Variants in AUTS2 observed in about 807,000 individuals in gnomAD.
The protein encoded by AUTS2 is autism susceptibility gene 2 protein.
Under a neutral mutation model 112.4 loss-of-function variants are expected in AUTS2, and 17 were observed. The observed-to-expected ratio is 0.15, with a 90% CI of 0.10 to 0.23. The LOEUF is 0.23. Among genes scored for constraint, AUTS2 ranks in the 10% least tolerant of loss-of-function variants. AUTS2 has a pLI of 1.00. For missense variants in AUTS2, 1,510 were observed against 1,701.6 expected (o/e 0.89, Z 1.98); for synonymous variants, 751 against 702.7 (o/e 1.07, Z -1.09).
At chr7:69,820,448 GATGGTGTTTTACAA>G (rs1267507842) in intron 1 of AUTS2, among the ~76,000 whole-genome samples, 1 of 152,214 alleles carries the variant, frequency 6.6e-6, no homozygotes, top group Non-Finnish European at 1.5e-5. Flanking sequence ...GGAAACCATG[GATGGTGTTTTACAA>G]ACTCTGCAGG....
rs777730469 is a variant in AUTS2, at chr7:70,790,051, G to T, written c.2835G>T (p.Arg945=). ...CCCGGGTGCCGTCTCCCTACGTGCG[G>T]ACCCCGGTGGTGGAGAGTGCCAGGC... The part of the protein sequence containing the change: ...QLARVPSPYV[R]TPVVESARPN... Residue 945 remains arginine, a synonymous_variant, in exon 19 of 19, where the codon CGG becomes CGT. Coordinates refer to ENST00000342771, the MANE Select transcript of AUTS2 (RefSeq NM_015570.4). The surrounding 1 kb of genome is among the most constrained non-coding windows in gnomAD (Gnocchi z 7.6). The T allele has an allele frequency of 1.3e-6, 2 of 1,578,122 alleles. No homozygotes were observed. Among genetic ancestry groups the T allele is most frequent in the Non-Finnish European group, 8.6e-7 (1 of 1,163,580 alleles).
chr7:69,672,285 C>G (rs896955913), intron 1 of AUTS2, among the ~76,000 whole-genome samples: 3 of 152,010 alleles, frequency 2.0e-5, no homozygotes, highest in Non-Finnish European at 2.9e-5. Context: ...TCTCGAACTC[C>G]CGACCTCAGG....
chr7:69,983,893 T>A (rs1422085923), intron 2 of AUTS2, among the ~76,000 whole-genome samples: 1 of 152,216 alleles, frequency 6.6e-6, no homozygotes, highest in Non-Finnish European at 1.5e-5. Flanking sequence ...TAAACCCTTA[T>A]AAACCCTTAT....
chr7:70,115,359 G>A (rs1193373799), intron 2 of AUTS2, among the ~76,000 whole-genome samples: 4 of 152,200 alleles, frequency 2.6e-5, no homozygotes, highest in Admixed American at 6.5e-5. Context: ...TTTTTAAATA[G>A]AGACGGGGTC....
intron 1 of AUTS2, among the ~76,000 whole-genome samples, chr7:69,870,161 G>C (rs2129535192): frequency 6.6e-6 from 1 of 151,974 alleles, no homozygotes; most frequent in Non-Finnish European, 1.5e-5. Flanking sequence ...TAACTTTATT[G>C]TAAATCACTG....
At chr7:69,847,026 T>C (rs1361785957) in intron 1 of AUTS2, among the ~76,000 whole-genome samples, 3 of 152,328 alleles carry the variant, frequency 2.0e-5, no homozygotes, top group Non-Finnish European at 4.4e-5. Flanking sequence ...CAGCCCAGGC[T>C]CTTAACCTTG....
At chr7:69,786,833 A>G (rs192889624) in intron 1 of AUTS2, among the ~76,000 whole-genome samples, 50 of 152,352 alleles carry the variant, frequency 3.3e-4, no homozygotes, top group East Asian at 9.6e-4. Context: ...CAGTTTAAAA[A>G]ATAGAATCAA....
intron 2 of AUTS2, among the ~76,000 whole-genome samples, chr7:69,932,970 AT>A (rs1314256226): frequency 6.6e-6 from 1 of 152,164 alleles, no homozygotes; most frequent in Non-Finnish European, 1.5e-5. Context: ...TTCTGGACAC[AT>A]TTTGCCCCAG....
At chr7:70,139,546 A>G (rs1023378511) in intron 4 of AUTS2, among the ~76,000 whole-genome samples, 3 of 152,194 alleles carry the variant, frequency 2.0e-5, no homozygotes, top group Non-Finnish European at 2.9e-5. Context: ...ATGCCCAGCC[A>G]CTTTTAAATA....
At chr7:70,025,314 C>T (rs1477626390) in intron 2 of AUTS2, among the ~76,000 whole-genome samples, 1 of 152,100 alleles carries the variant, frequency 6.6e-6, no homozygotes, top group Non-Finnish European at 1.5e-5. Context: ...GGTTCAAACT[C>T]TAATCTGCCT....
intron 1 of AUTS2, among the ~76,000 whole-genome samples, chr7:69,703,652 A>C (rs1797924264): frequency 6.6e-6 from 1 of 152,202 alleles, no homozygotes; most frequent in Non-Finnish European, 1.5e-5. Flanking sequence ...TCAGGGTGGA[A>C]GTACGAATAT....
At chr7:70,113,136 G>C (rs1025313770) in intron 2 of AUTS2, among the ~76,000 whole-genome samples, 1 of 152,064 alleles carries the variant, frequency 6.6e-6, no homozygotes, top group African/African-American at 2.4e-5. Flanking sequence ...TCCAAAATTT[G>C]TTAAAATAAT....
At chr7:70,495,620 GCA>G (rs1585215024) in intron 5 of AUTS2, among the ~76,000 whole-genome samples, 1 of 43,996 alleles carries the variant, frequency 2.3e-5, no homozygotes, top group African/African-American at 9.0e-5. Context: ...GTACACAGTC[GCA>G]CACACACACC....
rs866576125 is a variant in AUTS2, at chr7:70,694,395, G to T, written c.691-4174G>T. The T allele has an allele frequency of 5.4e-5, 8 of 147,718 alleles. No individual in the cohort carries two copies. Among genetic ancestry groups the T allele is most frequent in the Non-Finnish European group, 9.0e-5 (6 of 66,514 alleles). The allele number at this position is 147,718 out of a possible 1,614,324, so 9.2% of individuals were successfully genotyped here. On this transcript the variant is annotated intron_variant, in intron 5 of 18. Transcript: ENST00000342771. This position sits in a 1 kb window ranked among gnomAD's most constrained non-coding sequence, Gnocchi z 4.1. Reference sequence around the variant, plus strand: ...TCCCGGAGCGGCTCCCTCCAGCACCGCGGCGGGCCCAGGACCAGGCAGCCC... The same window carrying T: ...TCCCGGAGCGGCTCCCTCCAGCACCTCGGCGGGCCCAGGACCAGGCAGCCC...
intron 6 of AUTS2, among the ~76,000 whole-genome samples, chr7:70,744,041 C>A (rs577451507): frequency 6.6e-6 from 1 of 151,880 alleles, no homozygotes; most frequent in Admixed American, 6.6e-5. Flanking sequence ...ATTTCCAGCC[C>A]CGAGTGTTGG....
At chr7:69,805,883 A>G (rs926118920) in intron 1 of AUTS2, among the ~76,000 whole-genome samples, 3 of 151,376 alleles carry the variant, frequency 2.0e-5, no homozygotes, top group African/African-American at 7.3e-5. Flanking sequence ...TTTTATTTTT[A>G]ATTGTTTAGT....
At chr7:70,282,919 C>T (rs1788288261) in intron 4 of AUTS2, among the ~76,000 whole-genome samples, 1 of 152,148 alleles carries the variant, frequency 6.6e-6, no homozygotes, top group Admixed American at 6.5e-5. Flanking sequence ...ATTGCTACCT[C>T]TTTAAACATT....
intron 1 of AUTS2, among the ~76,000 whole-genome samples, chr7:69,886,464 A>G (rs1221041717): frequency 1.3e-5 from 2 of 152,224 alleles, no homozygotes; most frequent in Non-Finnish European, 2.9e-5. Flanking sequence ...TATGCTGTGT[A>G]AAACTGCGTT....
intron 1 of AUTS2, among the ~76,000 whole-genome samples, chr7:69,687,407 CATTCTT>C (rs1359303363): frequency 6.6e-6 from 1 of 152,150 alleles, no homozygotes; most frequent in African/African-American, 2.4e-5. Flanking sequence ...TAGTAGCTGA[CATTCTT>C]GATATGCCAG....
Sources: allele counts gnomAD v4.1 joint callset (sites outside exome capture counted in the v4.1 genomes callset), GRCh38; gene constraint gnomAD v4.1.1; non-coding constraint Gnocchi (gnomAD v3.1); transcripts MANE v1.5; gene names NCBI Gene and HGNC (gene_info 2026-07-23, HGNC 2026-07-21).